The following EPC2 variants were observed in gnomAD, a reference collection of about 807,000 sequenced individuals.
The protein encoded by EPC2 is enhancer of polycomb 2, also known as enhancer of polycomb homolog 2.
A neutral mutation model predicts 92.1 loss-of-function variants in EPC2; 14 were observed. That is an observed-to-expected ratio of 0.15 (90% CI 0.10 to 0.24). The LOEUF is 0.24. Among genes scored for constraint, EPC2 ranks in the 10% least tolerant of loss-of-function variants. The pLI is 1.00. For synonymous variants in EPC2, 340 were observed against 334.7 expected (o/e 1.02, Z -0.17); for missense variants, 755 against 971.5 (o/e 0.78, Z 2.96).
intron 2 of EPC2, among the ~76,000 whole-genome samples, chr2:148,735,281 CTTG>C (rs1289053774): frequency 6.6e-6 from 1 of 151,922 alleles, no homozygotes; most frequent in African/African-American, 2.4e-5. Context: ...TATGAGAGTT[CTTG>C]TTGTCTCATA....
chr2:148,777,981 A>G (rs1683677853), intron 10 of EPC2, among the ~76,000 whole-genome samples: 1 of 152,210 alleles, frequency 6.6e-6, no homozygotes, highest in South Asian at 2.1e-4. Flanking sequence ...TGGGTATATA[A>G]AAGGGAAAAT....
intron 6 of EPC2, among the ~76,000 whole-genome samples, chr2:148,763,869 A>G (rs1450251427): frequency 6.6e-6 from 1 of 152,244 alleles, no homozygotes; most frequent in Non-Finnish European, 1.5e-5. Context: ...ATCTTAACCC[A>G]GAATTACTGA....
chr2:148,743,792 C>G (rs778074446), intron 3 of EPC2, 25 bp downstream of exon 3: 13 of 1,480,300 alleles, frequency 8.8e-6, no homozygotes, highest in Non-Finnish European at 1.2e-5. Context: ...AAAGATGTCT[C>G]TTATCTTCTA....
intron 4 of EPC2, 65 bp downstream of exon 4, chr2:148,754,198 C>A: frequency 1.6e-6 from 2 of 1,222,094 alleles, no homozygotes; most frequent in Non-Finnish European, 2.3e-6. Flanking sequence ...CTTTTTTTTT[C>A]TAATAACTTG....
intron 6 of EPC2, among the ~76,000 whole-genome samples, chr2:148,763,813 C>G (rs1683351221): frequency 2.0e-5 from 3 of 152,202 alleles, no homozygotes; most frequent in Admixed American, 6.5e-5. Flanking sequence ...TTGTGTCAAT[C>G]AATGCTTTTC....
chr2:148,682,571 TG>T (rs750435203), intron 1 of EPC2, among the ~76,000 whole-genome samples: 2 of 152,212 alleles, frequency 1.3e-5, no homozygotes, highest in Non-Finnish European at 2.9e-5. Flanking sequence ...GAGTTTTTTT[TG>T]GGAGGAAAGT....
intron 3 of EPC2, among the ~76,000 whole-genome samples, chr2:148,744,749 A>G (rs1338376317): frequency 1.3e-5 from 2 of 152,116 alleles, no homozygotes; most frequent in Non-Finnish European, 2.9e-5. Flanking sequence ...AACTTTTTAA[A>G]CATAAGTTTT....
chr2:148,754,627 G>A (rs1448821231), intron 4 of EPC2, among the ~76,000 whole-genome samples: 1 of 152,140 alleles, frequency 6.6e-6, no homozygotes, highest in Non-Finnish European at 1.5e-5. Context: ...AATGGACCTT[G>A]CTGCCTCTGG....
At chr2:148,706,147 AAGAC>A (rs903158179) in intron 2 of EPC2, among the ~76,000 whole-genome samples, 5 of 152,334 alleles carry the variant, frequency 3.3e-5, no homozygotes, top group African/African-American at 1.2e-4. Context: ...CAGTGTAGAG[AAGAC>A]CTTAAATGAC....
chr2:148,733,612 C>T (rs1392981632), intron 2 of EPC2, among the ~76,000 whole-genome samples: 1 of 149,732 alleles, frequency 6.7e-6, no homozygotes, highest in Non-Finnish European at 1.5e-5. Context: ...ATCCTCCCAG[C>T]TCAGCCTCCC....
intron 1 of EPC2, among the ~76,000 whole-genome samples, chr2:148,666,384 T>C (rs1681056115): frequency 6.6e-6 from 1 of 152,206 alleles, no homozygotes; most frequent in African/African-American, 2.4e-5. Flanking sequence ...GTTCAAGTTA[T>C]CCTCCTGCCT....
chr2:148,655,388 T>C (rs1385420680), intron 1 of EPC2, among the ~76,000 whole-genome samples: 1 of 152,194 alleles, frequency 6.6e-6, no homozygotes, highest in African/African-American at 2.4e-5. Context: ...GTCAGATAAA[T>C]CAATTGTATT....
At chr2:148,746,877 A>G (rs968851407) in intron 3 of EPC2, among the ~76,000 whole-genome samples, 2 of 152,034 alleles carry the variant, frequency 1.3e-5, no homozygotes, top group Non-Finnish European at 2.9e-5. Flanking sequence ...AGCAAATACA[A>G]AAGCTAACAA....
chr2:148,704,511 T>C (rs1681954660), intron 2 of EPC2, among the ~76,000 whole-genome samples: 1 of 152,194 alleles, frequency 6.6e-6, no homozygotes, highest in Non-Finnish European at 1.5e-5. Context: ...GAGGGTACTT[T>C]TATGCTATAT....
intron 1 of EPC2, among the ~76,000 whole-genome samples, chr2:148,649,577 T>G (rs1559137497): frequency 1.3e-5 from 2 of 152,230 alleles, no homozygotes; most frequent in South Asian, 2.1e-4. Context: ...TCTCTCTGAT[T>G]TTTTAGTTGT....
At chr2:148,651,024 A>G (rs888181008) in intron 1 of EPC2, among the ~76,000 whole-genome samples, 1 of 152,208 alleles carries the variant, frequency 6.6e-6, no homozygotes, top group Non-Finnish European at 1.5e-5. Context: ...CTACAGGGTT[A>G]AGACAACCTG....
intron 4 of EPC2, among the ~76,000 whole-genome samples, chr2:148,759,336 G>A (rs1040815668): frequency 3.9e-5 from 6 of 152,016 alleles, no homozygotes; most frequent in Non-Finnish European, 8.8e-5. Flanking sequence ...CAGGTGATCC[G>A]ACCGCCTTGG....
intron 3 of EPC2, among the ~76,000 whole-genome samples, chr2:148,744,585 A>T (rs1421082170): frequency 6.6e-6 from 1 of 152,114 alleles, no homozygotes; most frequent in Non-Finnish European, 1.5e-5. Context: ...TGTGCATAGA[A>T]AGCAAAAGAA....
intron 2 of EPC2, among the ~76,000 whole-genome samples, chr2:148,724,441 A>G (rs748021386): frequency 1.8e-4 from 28 of 152,088 alleles, no homozygotes; most frequent in Non-Finnish European, 3.8e-4. Flanking sequence ...TATGCCACCT[A>G]TCTAGCTGTA....
Sources: gnomAD v4.1 joint callset for allele counts (sites outside exome capture counted in the v4.1 genomes callset) on GRCh38, gnomAD v4.1.1 for gene constraint, MANE v1.5 for transcripts, NCBI Gene and HGNC (gene_info 2026-07-23, HGNC 2026-07-21) for gene names.